TMEM182: variants seen among roughly 807,000 people sequenced by gnomAD.
The protein encoded by TMEM182 is transmembrane protein 182.
TMEM182 carries 20 observed loss-of-function variants against 26.8 expected under a neutral mutation model. The observed-to-expected ratio is 0.75, with a 90% CI of 0.53 to 1.09. The LOEUF (loss-of-function observed/expected upper bound fraction) is 1.09. TMEM182 is among the 50% of genes least tolerant of loss of function. TMEM182 has a pLI of 0.00. For synonymous variants in TMEM182, 109 were observed against 102.2 expected, an observed-to-expected ratio of 1.07 and a Z score of -0.40; for missense variants, 277 against 275.5, an observed-to-expected ratio of 1.01 and a Z score of -0.04.
In TMEM182 at chr2:102,814,877, C is replaced by T; in HGVS notation, c.599C>T (p.Ser200Leu). 1 of 1,613,918 alleles carries T rather than the reference C, an allele frequency of 6.2e-7. No individual in the cohort carries two copies. Residue 200 changes from serine to leucine, a missense_variant, in exon 5 of 5, where the codon TCA becomes TTA. Ser to Leu is a moderately radical substitution (Grantham distance 145). Coordinates refer to ENST00000412401, the MANE Select transcript of TMEM182 (RefSeq NM_144632.5). Reference protein sequence around the residue: ...DFTPSVLYGWSFFLAPAGIFF... With the variant: ...DFTPSVLYGWLFFLAPAGIFF... ...ACCCCTTCTGTTCTGTATGGCTGGT[C>T]ATTTTTCCTGGCCCCAGCTGGGATA...
chr2:102,799,232 G>T (rs898093918), intron 4 of TMEM182, among the ~76,000 whole-genome samples: 2 of 152,226 alleles, frequency 1.3e-5, no homozygotes, highest in Admixed American at 1.3e-4. Flanking sequence ...AATGGAGAAG[G>T]TTACTGTCCT....
At chr2:102,742,808 A>G (rs1679581614) in intron 1 of TMEM182, among the ~76,000 whole-genome samples, 1 of 152,204 alleles carries the variant, frequency 6.6e-6, no homozygotes, top group Admixed American at 6.5e-5. Flanking sequence ...GAATAATTTT[A>G]TATCCAGAAA....
intron 3 of TMEM182, among the ~76,000 whole-genome samples, chr2:102,769,766 C>T (rs6705433): frequency 0.17 from 25,336 of 152,034 alleles, 2,189 homozygotes; most frequent in East Asian, 0.2. Flanking sequence ...GTTATTGTGC[C>T]ATACTATAAA....
At chr2:102,790,494 GCC>G (rs1681590172) in intron 3 of TMEM182, among the ~76,000 whole-genome samples, 2 of 152,154 alleles carry the variant, frequency 1.3e-5, no homozygotes, top group Non-Finnish European at 2.9e-5. Flanking sequence ...TTCCCATTCT[GCC>G]ACTAGCTTCT....
chr2:102,822,644 G>A (rs77772761), downstream of TMEM182, among the ~76,000 whole-genome samples: 1,199 of 152,286 alleles, frequency 7.9e-3, 5 homozygotes, highest in Non-Finnish European at 0.014. Context: ...CAGAACCATG[G>A]AAATGGGTAG....
chr2:102,779,250 T>C (rs566908598), intron 3 of TMEM182, among the ~76,000 whole-genome samples: 7 of 152,210 alleles, frequency 4.6e-5, no homozygotes, highest in Non-Finnish European at 1.0e-4. Flanking sequence ...GCTTTCAGGA[T>C]TTTTCTTTGC....
At chr2:102,767,389 A>C (rs143086346) in intron 3 of TMEM182, among the ~76,000 whole-genome samples, 13 of 152,116 alleles carry the variant, frequency 8.5e-5, no homozygotes, top group Admixed American at 5.9e-4. Context: ...AAACAATTCT[A>C]TTACCTTTGG....
At chr2:102,832,257 AATTC>A (rs1396908170) in intron 3 of TMEM182, among the ~76,000 whole-genome samples, 1 of 152,156 alleles carries the variant, frequency 6.6e-6, no homozygotes, top group Admixed American at 6.5e-5. Flanking sequence ...TATTCCTCTA[AATTC>A]TTCCCCTTGA....
chr2:102,837,498 C>T (rs978965877), intron 3 of TMEM182, among the ~76,000 whole-genome samples: 15 of 118,630 alleles, frequency 1.3e-4, no homozygotes, highest in Admixed American at 1.1e-3. Flanking sequence ...AATAGGCCAG[C>T]GTGGGCCCTG....
At position 102,749,914 on chromosome 2, in the gene TMEM182, A is replaced by T. The variant is rs1219951574; in HGVS notation, c.-82-8475A>T. On this transcript the variant is annotated intron_variant, in intron 1 of 5. Coordinates refer to the TMEM182 transcript ENST00000409173. ...ATATGAATAATACAAGGAATGAAAA[A>T]CATACTTCAAAATGTTTCTGGTGAT... Among the ~76,000 whole-genome samples, 3 of 152,146 alleles carry T rather than the reference A, an allele frequency of 2.0e-5. No individual in the cohort carries two copies. In the East Asian group the frequency reaches 5.8e-4, roughly 29 times the overall value.
At chr2:102,834,816 C>T (rs1204519600) in intron 3 of TMEM182, among the ~76,000 whole-genome samples, 2 of 152,124 alleles carry the variant, frequency 1.3e-5, no homozygotes, top group Admixed American at 6.6e-5. Flanking sequence ...AAGCATCCTT[C>T]GTTAATCACT....
At chr2:102,821,101 C>T (rs570216557), downstream of TMEM182, among the ~76,000 whole-genome samples, 1 of 152,220 alleles carries the variant, frequency 6.6e-6, no homozygotes, top group East Asian at 1.9e-4. Context: ...AACTCATTTA[C>T]TACTTTTCCC....
chr2:102,816,354 C>A lies in TMEM182; in HGVS notation c.*1386C>A. 1.0e-6 allele frequency: 1 copy of A among 985,226 alleles called. No homozygotes were observed. The allele number at this position is 985,226 out of a possible 1,614,324, so 61.0% of individuals were successfully genotyped here. The stretch of plus-strand genomic sequence containing the variant: ...AAGATGCTCTGGGATAGAGGAACTG[C>A]TCCTTTTCATCAGCTCTTCCAATGC... On this transcript the variant is annotated 3_prime_UTR_variant, in exon 5 of 5. Coordinates refer to ENST00000412401, the MANE Select transcript of TMEM182 (RefSeq NM_144632.5).
upstream of TMEM182, among the ~76,000 whole-genome samples, chr2:102,759,939 G>A (rs896129070): frequency 2.0e-5 from 3 of 152,100 alleles, no homozygotes; most frequent in Non-Finnish European, 4.4e-5. Context: ...TTCATGTAAG[G>A]TTTCCTGTAA....
intron 3 of TMEM182, among the ~76,000 whole-genome samples, chr2:102,832,766 T>C (rs1032365754): frequency 1.3e-5 from 2 of 152,176 alleles, no homozygotes; most frequent in African/African-American, 4.8e-5. Context: ...AGTGACTTAC[T>C]TTCTCCCCCA....
At chr2:102,840,317 T>G (rs147031173) in intron 3 of TMEM182, among the ~76,000 whole-genome samples, 25 of 152,308 alleles carry the variant, frequency 1.6e-4, no homozygotes, top group Admixed American at 7.8e-4. Flanking sequence ...GAAATCGCCA[T>G]ATATTGTGGA....
At chr2:102,823,496 TA>T (rs1319691920) in intron 3 of TMEM182, among the ~76,000 whole-genome samples, 2 of 152,030 alleles carry the variant, frequency 1.3e-5, no homozygotes, top group Non-Finnish European at 2.9e-5. Flanking sequence ...CAAGCCCAGC[TA>T]ATTTTTTGTA....
At chr2:102,823,261 A>G (rs1373657292) in intron 3 of TMEM182, among the ~76,000 whole-genome samples, 1 of 152,156 alleles carries the variant, frequency 6.6e-6, no homozygotes, top group Non-Finnish European at 1.5e-5. Context: ...TTGGTTTTTA[A>G]TATCTTAGAA....
chr2:102,826,286 A>C (rs1683029173), intron 3 of TMEM182, among the ~76,000 whole-genome samples: 1 of 149,822 alleles, frequency 6.7e-6, no homozygotes, highest in Non-Finnish European at 1.5e-5. Context: ...AGTGCAGCGT[A>C]CAGTCTGCAG....
Sources: allele counts gnomAD v4.1 joint callset (sites outside exome capture counted in the v4.1 genomes callset), GRCh38; gene constraint gnomAD v4.1.1; transcripts MANE v1.5; gene names NCBI Gene and HGNC (gene_info 2026-07-23, HGNC 2026-07-21).